Variants in DNAH3 observed in about 807,000 individuals in gnomAD.
DNAH3 encodes dynein axonemal heavy chain 3.
A neutral mutation model predicts 432.5 loss-of-function variants in DNAH3; 332 were observed. The observed-to-expected ratio is 0.77, with a 90% CI of 0.70 to 0.84. The LOEUF (loss-of-function observed/expected upper bound fraction) is 0.84. Among genes scored for constraint, DNAH3 ranks in the 40% least tolerant of loss-of-function variants. The pLI is 0.00. For missense variants in DNAH3, 4,861 were observed against 5,114.0 expected (o/e 0.95, Z 1.51); for synonymous variants, 1,956 against 1,900.2 (o/e 1.03, Z -0.76).
At chr16:20,969,972 G>T (rs1597001475) in exon 52 of DNAH3, 1 of 1,614,042 alleles carries the variant, frequency 6.2e-7, no homozygotes, top group Non-Finnish European at 8.5e-7. Flanking sequence ...GCCTCAGCTA[G>T]GTCCCCCTCA....
chr16:21,000,428 C>T lies in DNAH3; in HGVS notation c.6217G>A (p.Val2073Met), dbSNP rs762157776. 7.4e-6 allele frequency: 12 copies of T among 1,613,936 alleles called. No homozygotes were observed. Among genetic ancestry groups the T allele is most frequent in the African/African-American group, 4.0e-5 (3 of 74,862 alleles). Reference sequence around the variant, plus strand: ...GATTTGCCAGTGCCTGTGGGACCCACGAACAGCATTGGAATCTCATGGTCT... The same window carrying T: ...GATTTGCCAGTGCCTGTGGGACCCATGAACAGCATTGGAATCTCATGGTCT... Residue 2073 changes from valine (V) to methionine (M), a missense_variant, in exon 43 of 62, where the codon GTG (valine) becomes ATG (methionine). By Grantham distance (21) the Val-to-Met change is conservative. Coordinates refer to ENST00000261383, the Ensembl canonical transcript of DNAH3.
intron 18 of DNAH3, 100 bp downstream of exon 18, chr16:21,097,255 G>T: frequency 2.2e-6 from 3 of 1,395,342 alleles, no homozygotes; most frequent in Non-Finnish European, 3.0e-6. Context: ...CTGATTAAAA[G>T]TCCAGCCAGA....
intron 40 of DNAH3, among the ~76,000 whole-genome samples, 186 bp downstream of exon 40, chr16:21,021,785 C>CT (rs1224759750): frequency 6.6e-6 from 1 of 152,012 alleles, no homozygotes; most frequent in Non-Finnish European, 1.5e-5. Context: ...GTAACTTAAT[C>CT]CCAGCTACTC....
At position 20,941,397 on chromosome 16, in the gene DNAH3, C is replaced by T. The variant is rs751226383; in HGVS notation, c.11654+4G>A. 2 of 1,613,786 alleles carry T rather than the reference C, an allele frequency of 1.2e-6. No individual in the cohort carries two copies. The highest frequency in any genetic ancestry group is 4.5e-5 in the East Asian group (2 of 44,878). The stretch of plus-strand genomic sequence containing the variant: ...CAGGATTCAAGCTACATCATCTGGC[C>T]CACCTGTTGAATCTGATGAGCTCCT... On this transcript the variant is annotated splice_donor_region_variant and intron_variant, in intron 59 of 61. Transcript: ENST00000261383.
intron 1 of DNAH3, 52 bp downstream of exon 2, chr16:21,150,238 T>TAAAA: frequency 2.6e-6 from 1 of 381,572 alleles, no homozygotes; most frequent in South Asian, 2.0e-5. Context: ...AAATAAAAAA[T>TAAAA]AAAAAAAAAA....
chr16:20,979,262 A>C (rs2152655744), intron 50 of DNAH3, 68 bp downstream of exon 50: 2 of 1,490,520 alleles, frequency 1.3e-6, no homozygotes, highest in South Asian at 1.2e-5. Flanking sequence ...CCGCACCTGA[A>C]CACATGCCTC....
In DNAH3 at chr16:20,990,128, C is replaced by T. The variant is rs538806522; in HGVS notation, c.6602-2063G>A. ...GGCTGAAGGGCTCCTCAAGTGCCGCCAAAGTGGGAGCCCAGGCAGAGGAGG... is the reference window on the plus strand; with the variant it reads ...GGCTGAAGGGCTCCTCAAGTGCCGCTAAAGTGGGAGCCCAGGCAGAGGAGG... On this transcript the variant is annotated intron_variant, in intron 44 of 61. Coordinates refer to ENST00000261383, the Ensembl canonical transcript of DNAH3. Among the ~76,000 whole-genome samples, 29 of 152,350 alleles carry T rather than the reference C, an allele frequency of 1.9e-4. No homozygotes were observed. The South Asian group carries it at 6.0e-3, about 32-fold the overall frequency.
At chr16:21,031,023 T>A in intron 37 of DNAH3, 22 bp downstream of exon 37, 1 of 1,612,664 alleles carries the variant, frequency 6.2e-7, no homozygotes, top group Admixed American at 1.7e-5. Flanking sequence ...CATGGAAAAG[T>A]CATATCAGGG....
chr16:20,976,845 G>C (rs1481723658), intron 50 of DNAH3, among the ~76,000 whole-genome samples: 1 of 152,210 alleles, frequency 6.6e-6, no homozygotes, highest in African/African-American at 2.4e-5. Flanking sequence ...CCACCAGACA[G>C]TGGATCTGCT....
At chr16:21,159,261 G>T in intron 1 of DNAH3, 1 of 1,374,240 alleles carries the variant, frequency 7.3e-7, no homozygotes. Context: ...CTAAGTACTC[G>T]ACTCCCCTCT....
At chr16:21,066,158 T>TTTTTTTTTTG (rs1567729173) in intron 24 of DNAH3, among the ~76,000 whole-genome samples, 2 of 138,758 alleles carry the variant, frequency 1.4e-5, no homozygotes, top group African/African-American at 5.9e-5. Context: ...TCATTTTTTG[T>TTTTTTTTTTG]TTTTTTTTTT....
Position 21,081,693 on chromosome 16 carries a change from G to C in DNAH3, c.2912C>G (p.Thr971Ser), listed in dbSNP as rs764704640. ...CATATTTGAGAGGCAGGTCGTTTCG[G>C]TGGGCTTTATCTCATAGCCAACAAT... Residue 971 changes from threonine to serine, a missense_variant, in exon 20 of 62, where the codon ACC (threonine) becomes AGC (serine). Thr to Ser is a moderately conservative substitution (Grantham distance 58). Coordinates refer to ENST00000261383, the Ensembl canonical transcript of DNAH3. 67 of 1,613,894 alleles carry C rather than the reference G, an allele frequency of 4.2e-5. No homozygotes were observed. The highest frequency in any genetic ancestry group is 5.7e-5 in the Non-Finnish European group (67 of 1,179,950).
intron 20 of DNAH3, among the ~76,000 whole-genome samples, chr16:21,078,565 C>T (rs572120850): frequency 6.6e-6 from 1 of 152,324 alleles, no homozygotes; most frequent in South Asian, 2.1e-4. Context: ...GCCCAGCCTC[C>T]AGTACTCACT....
chr16:21,002,444 G>GTTATTATTATTATTATTATTA (rs67362610), intron 42 of DNAH3, among the ~76,000 whole-genome samples: 16 of 146,894 alleles, frequency 1.1e-4, no homozygotes, highest in African/African-American at 3.0e-4. Context: ...ATCTGGTGTT[G>GTTATTATTATTATTATTATTA]TTATTATTAT....
chr16:21,048,767 C>T (rs2089830948), intron 31 of DNAH3, among the ~76,000 whole-genome samples: 1 of 151,444 alleles, frequency 6.6e-6, no homozygotes, highest in African/African-American at 2.4e-5. Context: ...GATCTTGGCT[C>T]ATTGCAACCT....
intron 53 of DNAH3, 40 bp from the exon 54 acceptor site, chr16:20,959,444 G>A: frequency 6.3e-7 from 1 of 1,586,074 alleles, no homozygotes; most frequent in Non-Finnish European, 8.6e-7. Flanking sequence ...AAGACGACAG[G>A]CCAGCTAACA....
At chr16:21,024,634 T>G in exon 39 of DNAH3, 1 of 1,613,066 alleles carries the variant, frequency 6.2e-7, no homozygotes, top group Non-Finnish European at 8.5e-7. Flanking sequence ...GAGGGCAGGG[T>G]GTCCATGTAG....
intron 44 of DNAH3, among the ~76,000 whole-genome samples, chr16:20,990,881 C>T (rs1374995972): frequency 6.6e-6 from 1 of 151,924 alleles, no homozygotes; most frequent in African/African-American, 2.4e-5. Context: ...ATTAGCCAGG[C>T]GTGGTAGCGG....
At chr16:20,943,058 G>A (rs1023638501) in intron 58 of DNAH3, among the ~76,000 whole-genome samples, 4 of 151,816 alleles carry the variant, frequency 2.6e-5, no homozygotes, top group Non-Finnish European at 5.9e-5. Flanking sequence ...TTAGTAGCTG[G>A]GACTACAGGC....
Sources: allele counts gnomAD v4.1 joint callset (sites outside exome capture counted in the v4.1 genomes callset), GRCh38; gene constraint gnomAD v4.1.1; transcripts MANE v1.5; gene names NCBI Gene and HGNC (gene_info 2026-07-23, HGNC 2026-07-21).